The following ASPH variants were observed in gnomAD, a reference collection of about 807,000 sequenced individuals.
The protein encoded by ASPH is aspartate beta-hydroxylase.
In ASPH, 100 loss-of-function variants were observed where a neutral mutation model predicts 118.4. The ratio of observed to expected loss-of-function variants is 0.84; its 90% CI spans 0.72 to 1.00. The LOEUF (loss-of-function observed/expected upper bound fraction) is 1.00, where lower values mean the gene tolerates loss of function less well. Ranked by LOEUF, ASPH falls within the 50% of genes least tolerant of loss-of-function variation. ASPH has a pLI of 0.00. For missense variants in ASPH, 920 were observed against 919.5 expected, an observed-to-expected ratio of 1.00 and a Z score of -0.01; for synonymous variants, 315 against 325.6, an observed-to-expected ratio of 0.97 and a Z score of 0.35.
chr8:61,556,392 T>C (rs778670782), intron 18 of ASPH, among the ~76,000 whole-genome samples: 7 of 152,254 alleles, frequency 4.6e-5, no homozygotes, highest in African/African-American at 1.4e-4. Context: ...AAATTTGCTA[T>C]ACTTGAAGAC....
At position 61,539,084 on chromosome 8, in the gene ASPH, T is replaced by C. The variant is rs60456313; in HGVS notation, c.1764+8987A>G. On this transcript the variant is annotated intron_variant, in intron 21 of 24. Coordinates refer to ENST00000379454, the MANE Select transcript of ASPH (RefSeq NM_004318.4). The stretch of plus-strand genomic sequence containing the variant: ...TGGTGAAACCCGTCTCTACTAAAAA[T>C]ACAAAAATTAGCCAGGCGTGGTGGC... Among the ~76,000 whole-genome samples, 1,390 of 151,902 alleles carry C rather than the reference T, an allele frequency of 9.2e-3. 12 individuals are homozygous for C. Among genetic ancestry groups the C allele is most frequent in the African/African-American group, 0.032 (1,333 of 41,416 alleles).
At chr8:61,653,929 T>C (rs1812366180) in intron 3 of ASPH, among the ~76,000 whole-genome samples, 1 of 152,214 alleles carries the variant, frequency 6.6e-6, no homozygotes, top group Non-Finnish European at 1.5e-5. Context: ...AAAACAGTCA[T>C]GTCTAAACCT....
chr8:61,643,845 G>A, intron 8 of ASPH, 100 bp downstream of exon 8: 3 of 874,024 alleles, frequency 3.4e-6, no homozygotes, highest in Non-Finnish European at 5.6e-6. Flanking sequence ...ACCATACAGG[G>A]ATCTCTGTGT....
intron 2 of ASPH, chr8:61,682,455 T>C (rs1301543396): frequency 3.1e-6 from 5 of 1,612,720 alleles, no homozygotes; most frequent in Non-Finnish European, 3.4e-6. Flanking sequence ...GCACCTCTGA[T>C]AAGTTATAAC....
chr8:61,637,589 T>C (rs1384693694), intron 12 of ASPH, among the ~76,000 whole-genome samples: 1 of 151,988 alleles, frequency 6.6e-6, no homozygotes, highest in Non-Finnish European at 1.5e-5. Flanking sequence ...TAAAGACCCA[T>C]CTTTCAACCC....
In ASPH at chr8:61,518,031, C is replaced by T; in HGVS notation, c.1992+1G>A. 2 of 1,611,356 alleles carry T rather than the reference C, an allele frequency of 1.2e-6. No homozygotes were observed. The highest frequency in any genetic ancestry group is 1.7e-6 in the Non-Finnish European group (2 of 1,177,618). On this transcript the variant is annotated splice_donor_variant, in intron 23 of 24. Transcript: ENST00000379454. LOFTEE classifies it high-confidence loss of function. The stretch of plus-strand genomic sequence containing the variant: ...TCTCCCCAGCACGACACTCTTGGTA[C>T]CTGTCCTCTTCTGCATCCTGTTGTC...
intron 3 of ASPH, among the ~76,000 whole-genome samples, chr8:61,669,332 T>A (rs1821258341): frequency 6.6e-6 from 1 of 152,222 alleles, no homozygotes; most frequent in Admixed American, 6.5e-5. Context: ...GAATGGTAAT[T>A]TATTTTGGTT....
chr8:61,708,308 C>G (rs549626007), intron 1 of ASPH, among the ~76,000 whole-genome samples: 1 of 152,276 alleles, frequency 6.6e-6, no homozygotes, highest in South Asian at 2.1e-4. Flanking sequence ...AACTCAGTGA[C>G]AAGCATCTTA....
intron 21 of ASPH, among the ~76,000 whole-genome samples, chr8:61,541,380 C>A (rs779974275): frequency 2.6e-5 from 4 of 152,090 alleles, no homozygotes; most frequent in Non-Finnish European, 1.5e-5. Flanking sequence ...AAGGGAAATG[C>A]CCTATTCATG....
chr8:61,545,880 C>T (rs1823653907), intron 21 of ASPH, among the ~76,000 whole-genome samples: 1 of 152,182 alleles, frequency 6.6e-6, no homozygotes, highest in Non-Finnish European at 1.5e-5. Context: ...GAGTGGAAAT[C>T]TGACTTAAAT....
At chr8:61,635,063 C>T (rs1258119598) in intron 12 of ASPH, among the ~76,000 whole-genome samples, 1 of 152,116 alleles carries the variant, frequency 6.6e-6, no homozygotes, top group Non-Finnish European at 1.5e-5. Flanking sequence ...TCTTTTTGAA[C>T]CCACTTCATT....
At chr8:61,707,256 C>CCTATCAATACTACAAATACAAAACA (rs1836920873) in intron 1 of ASPH, among the ~76,000 whole-genome samples, 5 of 151,754 alleles carry the variant, frequency 3.3e-5, no homozygotes, top group African/African-American at 1.2e-4. Context: ...AAAAAATCTA[C>CCTATCAATACTACAAATACAAAACA]CTATCAATAC....
chr8:61,542,587 C>T (rs942222702), intron 21 of ASPH, among the ~76,000 whole-genome samples: 1 of 152,108 alleles, frequency 6.6e-6, no homozygotes, highest in Non-Finnish European at 1.5e-5. Context: ...ATACATATTA[C>T]ATTTATTGCT....
rs1344677898 is a variant in ASPH, at chr8:61,562,854, G to A, written c.1327C>T (p.Leu443=). Residue 443 remains leucine (L), a synonymous_variant, in exon 18 of 25, where the codon CTG becomes TTG. Transcript: ENST00000379454. ...GGAAATAGTTGAACTAATCTCTGCA[G>A]GGTAAGCAGGGAACCTCTCATATGA... ...LGHMRGSLLT[L]QRLVQLFPND... is the part of the protein sequence containing the mutation. The A allele has an allele frequency of 1.2e-6, 2 of 1,608,036 alleles. No individual in the cohort carries two copies. Among genetic ancestry groups the A allele is most frequent in the Non-Finnish European group, 1.7e-6 (2 of 1,178,024 alleles).
chr8:61,682,414 T>G (rs1431714501), intron 2 of ASPH: 2 of 1,608,306 alleles, frequency 1.2e-6, no homozygotes, highest in East Asian at 2.2e-5. Flanking sequence ...ACACGTAGAC[T>G]TGAAATGCAA....
intron 24 of ASPH, among the ~76,000 whole-genome samples, chr8:61,509,004 ACTT>A (rs148592236): frequency 0.089 from 13,586 of 152,222 alleles, 678 homozygotes; most frequent in Non-Finnish European, 0.12. Flanking sequence ...GCATTGTCAC[ACTT>A]CTTCTTCTCT....
intron 18 of ASPH, among the ~76,000 whole-genome samples, chr8:61,561,351 T>A (rs970684321): frequency 1.3e-5 from 2 of 152,234 alleles, no homozygotes; most frequent in Admixed American, 6.5e-5. Context: ...GGAATTAATT[T>A]ATGACCTGGA....
chr8:61,643,465 G>C, intron 8 of ASPH, 32 bp from the exon 9 acceptor site: 3 of 1,590,872 alleles, frequency 1.9e-6, no homozygotes, highest in Non-Finnish European at 2.6e-6. Flanking sequence ...TTGCCAAACA[G>C]GAAAAAACCA....
intron 8 of ASPH, 149 bp from the exon 9 acceptor site, chr8:61,643,582 G>A (rs1046071120): frequency 2.8e-5 from 22 of 796,782 alleles, no homozygotes; most frequent in Admixed American, 2.0e-4. Flanking sequence ...GCTGAATAAC[G>A]TTCCACAATT....
Sources: gnomAD v4.1 joint callset for allele counts (sites outside exome capture counted in the v4.1 genomes callset) on GRCh38, gnomAD v4.1.1 for gene constraint, MANE v1.5 for transcripts, NCBI Gene and HGNC (gene_info 2026-07-23, HGNC 2026-07-21) for gene names.